SERPINA12: variants seen among roughly 807,000 people sequenced by gnomAD.
SERPINA12 encodes serpin family A member 12.
SERPINA12 carries 21 observed loss-of-function variants against 25.9 expected under a neutral mutation model. That is an observed-to-expected ratio of 0.81 (90% CI 0.58 to 1.17). SERPINA12 has a LOEUF of 1.17. SERPINA12 is among the 50% of genes most tolerant of loss of function. The probability of loss-of-function intolerance (pLI) is 0.00; values close to 1 mark genes in which losing one functional copy is unlikely to be tolerated. For missense variants in SERPINA12, 562 were observed against 508.3 expected (o/e 1.11, Z -1.02); for synonymous variants, 220 against 196.0 (o/e 1.12, Z -1.02).
upstream of SERPINA12, chr14:94,511,367 C>T (rs1036155579): frequency 1.1e-5 from 11 of 978,794 alleles, no homozygotes; most frequent in Non-Finnish European, 1.3e-5. Context: ...TCAAATGTCA[C>T]ACGGTTATTT....
chr14:94,487,414 C>T lies in SERPINA12; in HGVS notation c.1134G>A (p.Met378Ile), dbSNP rs1282825407. 2.5e-6 allele frequency: 4 copies of T among 1,614,084 alleles called. No homozygotes were observed. Among genetic ancestry groups the T allele is most frequent in the South Asian group, 1.1e-5 (1 of 91,070 alleles). ...AAGTGAQTLP[M>I]ETPLVVKIDK... ...CTATCTTGACGACGAGTGGTGTCTC[C>T]ATGGGCAGAGTCTGTGCTCCGGTGC... is the stretch of plus-strand genomic sequence containing the variant. The change falls in exon 5 of 5, where the codon ATG becomes ATA. Residue 378 changes from methionine (M) to isoleucine (I), a missense_variant. Physicochemically the swap from Met to Ile is conservative, Grantham distance 10 (BLOSUM62 1). Coordinates refer to ENST00000677451, the MANE Select transcript of SERPINA12 (RefSeq NM_001382267.1).
upstream of SERPINA12, among the ~76,000 whole-genome samples, chr14:94,511,116 A>G (rs1901097754): frequency 6.6e-6 from 1 of 152,190 alleles, no homozygotes; most frequent in Non-Finnish European, 1.5e-5. Flanking sequence ...TTTCAGAAAA[A>G]TATTTATGGA....
intron 1 of SERPINA12, among the ~76,000 whole-genome samples, chr14:94,508,066 T>C (rs1369474836): frequency 6.6e-6 from 1 of 152,232 alleles, no homozygotes; most frequent in Non-Finnish European, 1.5e-5. Flanking sequence ...CAGTTGATGC[T>C]TGTGACAGAC....
chr14:94,505,108 A>G (rs1197990647), intron 1 of SERPINA12, among the ~76,000 whole-genome samples: 1 of 152,206 alleles, frequency 6.6e-6, no homozygotes. Flanking sequence ...GTGGTGTTTC[A>G]CAGTAGGTCG....
At chr14:94,496,903 C>G (rs1900452168) in intron 2 of SERPINA12, among the ~76,000 whole-genome samples, 1 of 152,150 alleles carries the variant, frequency 6.6e-6, no homozygotes. Context: ...CTCAGGTTCC[C>G]CTAAGCCTGA....
chr14:94,495,939 A>G (rs1024732486), intron 3 of SERPINA12, among the ~76,000 whole-genome samples: 1 of 152,232 alleles, frequency 6.6e-6, no homozygotes, highest in African/African-American at 2.4e-5. Flanking sequence ...TATTTGTATA[A>G]CTTACTTTGG....
At position 94,507,219 on chromosome 14, in the gene SERPINA12, T is replaced by C. The variant is rs566401154; in HGVS notation, c.-34+2123A>G. On this transcript the variant is annotated intron_variant, in intron 1 of 4. Transcript: ENST00000677451. ...ATTAGATTGGACTATATGAAACTAT[T>C]GGTCTTTAATATTTTTTAACCTCAA... is the stretch of plus-strand genomic sequence containing the variant. 6.6e-5 allele frequency among the ~76,000 whole-genome samples: 10 copies of C among 152,374 alleles called. No homozygotes were observed. In the East Asian group the frequency reaches 1.9e-3, roughly 29 times the overall value.
intron 3 of SERPINA12, among the ~76,000 whole-genome samples, chr14:94,490,211 T>C (rs550452011): frequency 2.0e-5 from 3 of 152,302 alleles, no homozygotes; most frequent in Non-Finnish European, 2.9e-5. Context: ...CTCTGTGACC[T>C]TCCCTCTCTA....
rs1027469591 is a variant in SERPINA12 at position 94,506,732 on chromosome 14, A to G, written c.-34+2610T>C. Among the ~76,000 whole-genome samples the G allele has an allele frequency of 3.3e-5, 5 of 152,368 alleles. No individual in the cohort carries two copies. The East Asian group carries it at 9.6e-4, about 29-fold the overall frequency. ...CTTTAGAAATACCTATTTTCAGAAC[A>G]TTCCTCTAGAGATTTTGAGTTAGTT... On this transcript the variant is annotated intron_variant, in intron 1 of 4. Transcript: ENST00000677451.
At chr14:94,503,120 T>C in intron 1 of SERPINA12, 1 of 858,278 alleles carries the variant, frequency 1.2e-6, no homozygotes, top group African/African-American at 1.8e-5. Flanking sequence ...AAAGGACTGA[T>C]ATTGCTTTAA....
upstream of SERPINA12, chr14:94,509,962 A>T (rs1901065686): frequency 4.1e-6 from 4 of 985,256 alleles, no homozygotes; most frequent in Admixed American, 2.5e-4. Context: ...CGCCTGGCAC[A>T]GATGTTCACA....
intron 1 of SERPINA12, among the ~76,000 whole-genome samples, chr14:94,508,716 G>A (rs538987180): frequency 6.6e-6 from 1 of 152,150 alleles, no homozygotes; most frequent in Non-Finnish European, 1.5e-5. Context: ...ATGTGTACAA[G>A]ATAGAGAGCT....
intron 1 of SERPINA12, chr14:94,500,828 C>A (rs1373878459): frequency 5.1e-6 from 5 of 984,882 alleles, no homozygotes; most frequent in Non-Finnish European, 6.0e-6. Flanking sequence ...CGTTGAGTTA[C>A]ATGGTCACTT....
intron 1 of SERPINA12, chr14:94,504,051 C>T (rs1186611780): frequency 6.6e-6 from 1 of 152,216 alleles, no homozygotes; most frequent in Non-Finnish European, 1.5e-5. Flanking sequence ...AGTGCTACAT[C>T]CTCCCTCGAT....
chr14:94,502,042 G>C (rs533913165), intron 1 of SERPINA12, among the ~76,000 whole-genome samples: 43 of 151,792 alleles, frequency 2.8e-4, no homozygotes, highest in African/African-American at 1.0e-3. Context: ...GTGTGTGTGT[G>C]TGTGTGTGTG....
intron 3 of SERPINA12, among the ~76,000 whole-genome samples, chr14:94,494,414 C>T (rs1900308145): frequency 6.6e-6 from 1 of 152,188 alleles, no homozygotes; most frequent in Non-Finnish European, 1.5e-5. Flanking sequence ...GAATGCATCT[C>T]TGATATCTAG....
At chr14:94,514,906 A>G (rs977726219) in intron 2 of SERPINA12, among the ~76,000 whole-genome samples, 2 of 152,160 alleles carry the variant, frequency 1.3e-5, no homozygotes. Flanking sequence ...GCCCAGTGGG[A>G]GAACAGGCAA....
intron 1 of SERPINA12, among the ~76,000 whole-genome samples, 51 bp downstream of exon 1, chr14:94,509,291 C>CAT (rs1160376642): frequency 8.7e-5 from 13 of 149,630 alleles, no homozygotes; most frequent in Non-Finnish European, 1.8e-4. Context: ...CACACACACA[C>CAT]ACACACACAC....
intron 1 of SERPINA12, among the ~76,000 whole-genome samples, chr14:94,505,318 G>A (rs368699379): frequency 8.1e-4 from 123 of 152,180 alleles, no homozygotes; most frequent in African/African-American, 2.9e-3. Flanking sequence ...TGCACTCAGG[G>A]CCTAGATGAA....
Sources: gnomAD v4.1 joint callset for allele counts (sites outside exome capture counted in the v4.1 genomes callset) on GRCh38, gnomAD v4.1.1 for gene constraint, MANE v1.5 for transcripts, NCBI Gene and HGNC (gene_info 2026-07-23, HGNC 2026-07-21) for gene names.